DNM3: variants seen among roughly 807,000 people sequenced by gnomAD.
DNM3 encodes the protein dynamin-3.
A neutral mutation model predicts 101.6 loss-of-function variants in DNM3; 47 were observed. The ratio of observed to expected loss-of-function variants is 0.46; its 90% CI spans 0.37 to 0.59. DNM3 has a LOEUF of 0.59. DNM3 is among the 20% of genes least tolerant of loss of function. The pLI is 0.00. For missense variants in DNM3, 849 were observed against 1,085.7 expected (o/e 0.78, Z 3.06); for synonymous variants, 385 against 387.9 (o/e 0.99, Z 0.09).
At chr1:172,239,685 G>T (rs2061670524) in intron 14 of DNM3, among the ~76,000 whole-genome samples, 1 of 151,922 alleles carries the variant, frequency 6.6e-6, no homozygotes, top group Non-Finnish European at 1.5e-5. Flanking sequence ...GAGCACTTCT[G>T]GGTTGGGCAG....
chr1:171,903,035 G>A (rs887647820), intron 1 of DNM3, among the ~76,000 whole-genome samples: 50 of 152,108 alleles, frequency 3.3e-4, no homozygotes, highest in African/African-American at 1.2e-3. Context: ...CTGCCAAATA[G>A]TCCCAGCTAT....
Position 172,307,290 on chromosome 1 carries a change from A to G in DNM3, c.1770-1438A>G, listed in dbSNP as rs540266885. On this transcript the variant is annotated intron_variant, in intron 15 of 20. Coordinates refer to ENST00000627582, the MANE Select transcript of DNM3 (RefSeq NM_015569.5). ...CATGAAAAAATGCTCATCATCACTG[A>G]TCATCAGAGAAATGCAAATCAAAAA... 1.8e-4 allele frequency among the ~76,000 whole-genome samples: 28 copies of G among 151,500 alleles called. No homozygotes were observed. The East Asian group carries it at 4.2e-3, about 23-fold the overall frequency.
chr1:172,219,038 A>G (rs779408182), intron 14 of DNM3, among the ~76,000 whole-genome samples: 11 of 152,068 alleles, frequency 7.2e-5, no homozygotes, highest in Non-Finnish European at 1.6e-4. Context: ...TGTGTTAGGC[A>G]TGGTATCTGG....
chr1:171,963,391 G>T (rs1274870031), intron 2 of DNM3, among the ~76,000 whole-genome samples: 1 of 152,100 alleles, frequency 6.6e-6, no homozygotes, highest in Non-Finnish European at 1.5e-5. Flanking sequence ...GAGATGAATA[G>T]GTGGATCTCA....
intron 17 of DNM3, among the ~76,000 whole-genome samples, chr1:172,368,270 A>G (rs1481468779): frequency 6.6e-6 from 1 of 151,944 alleles, no homozygotes; most frequent in Non-Finnish European, 1.5e-5. Context: ...AATCATATGA[A>G]ATATATTTTC....
chr1:172,071,605 A>G (rs1399525839), intron 11 of DNM3, among the ~76,000 whole-genome samples: 1 of 152,060 alleles, frequency 6.6e-6, no homozygotes, highest in Non-Finnish European at 1.5e-5. Flanking sequence ...AGTTACTACC[A>G]ACTTCTGCTC....
chr1:171,985,575 C>T (rs115028789), intron 2 of DNM3, among the ~76,000 whole-genome samples: 1,986 of 152,174 alleles, frequency 0.013, 55 homozygotes, highest in African/African-American at 0.045. Context: ...AATGAGCTTT[C>T]GGGAGACTTA....
intron 13 of DNM3, among the ~76,000 whole-genome samples, chr1:172,113,518 G>A (rs1257657599): frequency 2.0e-5 from 3 of 151,146 alleles, no homozygotes; most frequent in Non-Finnish European, 4.4e-5. Flanking sequence ...TACTTGGGAG[G>A]CTGAGGCAGG....
intron 20 of DNM3, among the ~76,000 whole-genome samples, chr1:172,390,365 C>A (rs1573708045): frequency 1.3e-5 from 2 of 152,192 alleles, no homozygotes. Context: ...TCAGCCAGTC[C>A]CTAGTGGAGC....
chr1:172,009,032 C>T, intron 4 of DNM3, among the ~76,000 whole-genome samples: 1 of 126,920 alleles, frequency 7.9e-6, no homozygotes, highest in Middle Eastern at 4.5e-3. Context: ...TTTATATATA[C>T]AATATATATT....
At chr1:172,072,667 C>G (rs374419098) in intron 11 of DNM3, among the ~76,000 whole-genome samples, 1 of 152,314 alleles carries the variant, frequency 6.6e-6, no homozygotes. Context: ...GTGGGTGGAT[C>G]ACCTGAGGTC....
Position 172,032,504 on chromosome 1 carries a change from A to G in DNM3, c.688+4A>G. The G allele has an allele frequency of 1.7e-6, 2 of 1,169,934 alleles. No homozygotes were observed. The highest frequency in any genetic ancestry group is 2.4e-5 in the South Asian group (2 of 82,134). 72.5% of individuals were successfully genotyped at this position (1,169,934 alleles called of 1,614,324 possible). A position where few individuals can be genotyped will look rare whatever the true frequency, so the allele number is the denominator to read the frequency against. On this transcript the variant is annotated splice_donor_region_variant and intron_variant, in intron 5 of 20. Transcript: ENST00000627582. ...AAACTGTTGCCTCTTCGCAGGGGTA[A>G]TGTACTGTGGTCTATACAAGACTTT...
At chr1:172,198,693 T>C (rs764908031) in intron 14 of DNM3, among the ~76,000 whole-genome samples, 1 of 152,138 alleles carries the variant, frequency 6.6e-6, no homozygotes, top group Non-Finnish European at 1.5e-5. Context: ...TCCTAGTTTT[T>C]GTGCATAGAG....
chr1:172,084,533 G>A (rs904960837), intron 12 of DNM3, among the ~76,000 whole-genome samples: 31 of 152,248 alleles, frequency 2.0e-4, no homozygotes, highest in Admixed American at 1.6e-3. Context: ...ATGGGGTGAC[G>A]TGGAGTGATT....
intron 1 of DNM3, among the ~76,000 whole-genome samples, chr1:171,890,286 C>G (rs905747696): frequency 1.3e-5 from 2 of 152,080 alleles, no homozygotes; most frequent in Non-Finnish European, 2.9e-5. Context: ...TTAAAGTTTT[C>G]TCCATCCTTG....
chr1:171,918,188 C>T (rs1242777514), intron 1 of DNM3, among the ~76,000 whole-genome samples: 1 of 152,178 alleles, frequency 6.6e-6, no homozygotes, highest in African/African-American at 2.4e-5. Context: ...GGAAAACACA[C>T]TGTGGCTGTG....
intron 14 of DNM3, among the ~76,000 whole-genome samples, chr1:172,193,085 G>A (rs1234217558): frequency 6.6e-6 from 1 of 151,814 alleles, no homozygotes; most frequent in Admixed American, 6.6e-5. Context: ...GGTGTGAGAT[G>A]GTATCTCATT....
intron 17 of DNM3, among the ~76,000 whole-genome samples, chr1:172,331,406 T>C (rs1395641070): frequency 1.3e-5 from 2 of 152,196 alleles, no homozygotes; most frequent in South Asian, 2.1e-4. Flanking sequence ...TCATTTGCCT[T>C]GAACCCATTT....
intron 14 of DNM3, among the ~76,000 whole-genome samples, chr1:172,170,977 T>G (rs1212083505): frequency 6.6e-6 from 1 of 151,854 alleles, no homozygotes; most frequent in African/African-American, 2.4e-5. Context: ...AGTGACGTTA[T>G]TTTTCATGAG....
Sources: allele counts gnomAD v4.1 joint callset (sites outside exome capture counted in the v4.1 genomes callset), GRCh38; gene constraint gnomAD v4.1.1; transcripts MANE v1.5; gene names NCBI Gene and HGNC (gene_info 2026-07-23, HGNC 2026-07-21).